SEMA6D: variants seen among roughly 807,000 people sequenced by gnomAD.
SEMA6D encodes semaphorin-6D.
SEMA6D carries 35 observed loss-of-function variants against 106.6 expected under a neutral mutation model. The ratio of observed to expected loss-of-function variants is 0.33; its 90% confidence interval spans 0.25 to 0.44. The LOEUF is 0.44. Ranked by LOEUF, SEMA6D falls within the 20% of genes least tolerant of loss-of-function variation. The pLI is 1.00. For missense variants in SEMA6D, 1,185 were observed against 1,345.9 expected, an observed-to-expected ratio of 0.88 and a Z score of 1.87; for synonymous variants, 499 against 487.7, an observed-to-expected ratio of 1.02 and a Z score of -0.31.
At chr15:47,396,936 A>T (rs281303) in intron 1 of SEMA6D, among the ~76,000 whole-genome samples, 3 of 151,984 alleles carry the variant, frequency 2.0e-5, no homozygotes. Flanking sequence ...TTTCTAACAC[A>T]TGCTCCATTG....
intron 1 of SEMA6D, among the ~76,000 whole-genome samples, chr15:47,224,563 AAACCCTAGC>A (rs2031488366): frequency 6.6e-6 from 1 of 152,110 alleles, no homozygotes; most frequent in African/African-American, 2.4e-5. Flanking sequence ...TTTAACTTCC[AAACCCTAGC>A]AACCACTCAG....
At chr15:47,751,070 A>C (rs1307323728) in intron 1 of SEMA6D, among the ~76,000 whole-genome samples, 1 of 152,166 alleles carries the variant, frequency 6.6e-6, no homozygotes, top group African/African-American at 2.4e-5. Flanking sequence ...GATGATTAAT[A>C]ATCTAGTCTT....
At chr15:47,288,027 G>A (rs1257689358) in intron 1 of SEMA6D, among the ~76,000 whole-genome samples, 1 of 152,116 alleles carries the variant, frequency 6.6e-6, no homozygotes, top group Non-Finnish European at 1.5e-5. Context: ...CGGGGTGGGG[G>A]CACACACTTT....
chr15:47,462,725 T>C (rs1225472128), intron 2 of SEMA6D, among the ~76,000 whole-genome samples: 1 of 152,138 alleles, frequency 6.6e-6, no homozygotes, highest in African/African-American at 2.4e-5. Context: ...ATTACTCTGT[T>C]CACAATGAAT....
chr15:47,554,195 C>T (rs2045850473), intron 3 of SEMA6D, among the ~76,000 whole-genome samples: 1 of 152,194 alleles, frequency 6.6e-6, no homozygotes, highest in Admixed American at 6.5e-5. Flanking sequence ...GTAGTATGGG[C>T]AGGATCTGAA....
At chr15:47,499,543 C>T (rs1296031418) in intron 3 of SEMA6D, among the ~76,000 whole-genome samples, 1 of 152,016 alleles carries the variant, frequency 6.6e-6, no homozygotes, top group Non-Finnish European at 1.5e-5. Context: ...AAATATCTTG[C>T]TTTATAAAGT....
chr15:47,270,762 G>T (rs2034524017), intron 1 of SEMA6D, among the ~76,000 whole-genome samples: 1 of 152,080 alleles, frequency 6.6e-6, no homozygotes, highest in Non-Finnish European at 1.5e-5. Context: ...GGGAGGCCAA[G>T]GCAGGCAGAT....
chr15:47,617,454 A>G (rs1661569118), intron 4 of SEMA6D, among the ~76,000 whole-genome samples: 1 of 152,226 alleles, frequency 6.6e-6, no homozygotes, highest in South Asian at 2.1e-4. Flanking sequence ...CTATTTTTAA[A>G]AGTTGCCACA....
At chr15:47,321,716 C>T (rs138087441) in intron 1 of SEMA6D, among the ~76,000 whole-genome samples, 31 of 152,228 alleles carry the variant, frequency 2.0e-4, no homozygotes, top group African/African-American at 7.2e-4. Flanking sequence ...ATATTAATCA[C>T]CACATATTTA....
intron 1 of SEMA6D, among the ~76,000 whole-genome samples, chr15:47,289,749 G>A (rs1477888179): frequency 6.6e-6 from 1 of 152,008 alleles, no homozygotes; most frequent in Non-Finnish European, 1.5e-5. Flanking sequence ...ACAGAGGTGG[G>A]AAAATCTTAG....
chr15:47,759,182 C>T (rs192879093), intron 1 of SEMA6D, among the ~76,000 whole-genome samples: 72 of 152,132 alleles, frequency 4.7e-4, no homozygotes, highest in African/African-American at 1.7e-3. Flanking sequence ...CCACGTTGGT[C>T]GTAGTAAGCA....
intron 3 of SEMA6D, among the ~76,000 whole-genome samples, chr15:47,552,053 G>C (rs1388051293): frequency 1.3e-5 from 2 of 150,160 alleles, no homozygotes; most frequent in East Asian, 3.9e-4. Context: ...AAAAAAGACA[G>C]TCATACACAT....
chr15:47,283,454 C>G (rs1024625208), intron 1 of SEMA6D, among the ~76,000 whole-genome samples: 8 of 152,274 alleles, frequency 5.3e-5, no homozygotes, highest in African/African-American at 1.9e-4. Flanking sequence ...TGTTTACTTA[C>G]AGCTTACATC....
At chr15:47,362,003 G>C (rs891995928) in intron 1 of SEMA6D, among the ~76,000 whole-genome samples, 1 of 152,208 alleles carries the variant, frequency 6.6e-6, no homozygotes, top group Non-Finnish European at 1.5e-5. Context: ...GCTTGTTAGA[G>C]TAAATTAGAC....
intron 1 of SEMA6D, among the ~76,000 whole-genome samples, chr15:47,350,651 T>C (rs997209836): frequency 1.3e-5 from 2 of 152,182 alleles, no homozygotes; most frequent in South Asian, 2.1e-4. Flanking sequence ...ATCTTTATTA[T>C]TAAAAATGGT....
intron 4 of SEMA6D, among the ~76,000 whole-genome samples, chr15:47,616,302 TG>T (rs879461103): frequency 1.3e-5 from 2 of 152,088 alleles, no homozygotes; most frequent in Non-Finnish European, 2.9e-5. Flanking sequence ...CCCAAGTAGC[TG>T]GGACTACAGG....
chr15:47,458,868 AAAATAAAT>A (rs1005511094), intron 2 of SEMA6D, among the ~76,000 whole-genome samples: 3 of 152,038 alleles, frequency 2.0e-5, no homozygotes, highest in African/African-American at 7.2e-5. Flanking sequence ...GTCAAAACCA[AAAATAAAT>A]AAATAAATAA....
rs944990820 is a variant in SEMA6D, at chr15:47,557,735, T to G, written c.-86-43130T>G. On this transcript the variant is annotated intron_variant, in intron 3 of 19. Transcript: ENST00000558014. ...CTTGTTAGTTTTGAATCTACTTCCT[T>G]GTTAAAGGCCAGTGAATACATTGAA... is the stretch of plus-strand genomic sequence containing the variant. Among the ~76,000 whole-genome samples the G allele has an allele frequency of 3.3e-5, 5 of 152,324 alleles. No homozygotes were observed. The East Asian group carries it at 5.8e-4, about 18-fold the overall frequency.
chr15:47,404,918 C>T (rs550904625), intron 1 of SEMA6D, among the ~76,000 whole-genome samples: 21 of 152,228 alleles, frequency 1.4e-4, no homozygotes, highest in Admixed American at 1.4e-3. Context: ...GCATAGAATT[C>T]TAGTGGAGAG....
Sources: allele counts gnomAD v4.1 joint callset (sites outside exome capture counted in the v4.1 genomes callset), GRCh38; gene constraint gnomAD v4.1.1; transcripts MANE v1.5; gene names NCBI Gene and HGNC (gene_info 2026-07-23, HGNC 2026-07-21).